NIPSNAP2: variants seen among roughly 807,000 people sequenced by gnomAD.
The protein encoded by NIPSNAP2 is nipsnap homolog 2.
A neutral mutation model predicts 48.4 loss-of-function variants in NIPSNAP2; 42 were observed. The ratio of observed to expected loss-of-function variants is 0.87; its 90% CI spans 0.68 to 1.12. The LOEUF (loss-of-function observed/expected upper bound fraction) is 1.12. Ranked by LOEUF, NIPSNAP2 falls within the 50% of genes most tolerant of loss-of-function variation. NIPSNAP2 has a pLI of 0.00. For missense variants in NIPSNAP2, 314 were observed against 347.3 expected (o/e 0.90, Z 0.76); for synonymous variants, 158 against 126.6 (o/e 1.25, Z -1.67).
At chr7:55,977,884 GA>G in intron 1 of NIPSNAP2, among the ~76,000 whole-genome samples, 1 of 152,046 alleles carries the variant, frequency 6.6e-6, no homozygotes, top group Non-Finnish European at 1.5e-5. Context: ...AAATTGCTTT[GA>G]AAAACACATA....
intron 1 of NIPSNAP2, among the ~76,000 whole-genome samples, chr7:55,966,469 T>A (rs750800981): frequency 6.6e-5 from 10 of 151,884 alleles, no homozygotes; most frequent in Non-Finnish European, 1.5e-5. Flanking sequence ...TAAATAAAAA[T>A]TTGTATAATG....
chr7:55,976,051 TGTGTGTGTG>T (rs1787101706), intron 1 of NIPSNAP2, among the ~76,000 whole-genome samples: 1 of 151,172 alleles, frequency 6.6e-6, no homozygotes. Context: ...TGTGTGTGTG[TGTGTGTGTG>T]TGTGTGTGTG....
intron 1 of NIPSNAP2, among the ~76,000 whole-genome samples, chr7:55,968,388 T>C (rs1039946499): frequency 1.0e-4 from 14 of 138,602 alleles, no homozygotes; most frequent in Admixed American, 7.5e-4. Context: ...TACTTTCTTT[T>C]TTTTTTTTTT....
At chr7:55,991,475 G>A (rs915702288) in intron 7 of NIPSNAP2, among the ~76,000 whole-genome samples, 7 of 151,516 alleles carry the variant, frequency 4.6e-5, no homozygotes, top group African/African-American at 7.3e-5. Flanking sequence ...GACCAGGCGC[G>A]GTGGCTCACA....
chr7:55,973,662 T>C (rs1474610199), intron 1 of NIPSNAP2, among the ~76,000 whole-genome samples: 1 of 150,232 alleles, frequency 6.7e-6, no homozygotes, highest in East Asian at 2.0e-4. Context: ...TTTTGTAGTG[T>C]TAGTAGAGAC....
At chr7:55,986,745 T>G (rs760500336) in intron 7 of NIPSNAP2, among the ~76,000 whole-genome samples, 11 of 152,080 alleles carry the variant, frequency 7.2e-5, no homozygotes, top group Non-Finnish European at 1.3e-4. Context: ...AATAAAATAT[T>G]TGCAAATCAT....
At chr7:55,969,712 G>A (rs1222231694) in intron 1 of NIPSNAP2, among the ~76,000 whole-genome samples, 2 of 152,124 alleles carry the variant, frequency 1.3e-5, no homozygotes, top group African/African-American at 4.8e-5. Flanking sequence ...TGCCGGGCGC[G>A]GTGGCTCACG....
At position 55,964,617 on chromosome 7, in the gene NIPSNAP2, C is replaced by G. The variant is rs1338160938; in HGVS notation, c.8C>G (p.Ala3Gly). 3 of 1,042,234 alleles carry G rather than the reference C, an allele frequency of 2.9e-6. No homozygotes were observed. In the East Asian group the frequency reaches 2.4e-4, roughly 82 times the overall value. 64.6% of individuals were successfully genotyped at this position (1,042,234 alleles called of 1,614,324 possible). Residue 3 changes from alanine (A) to glycine (G), a missense_variant, in exon 1 of 10, where the codon GCG (alanine) becomes GGG (glycine). Physicochemically the swap from Ala to Gly is moderately conservative, Grantham distance 60 (BLOSUM62 0). Coordinates refer to ENST00000322090, the MANE Select transcript of NIPSNAP2 (RefSeq NM_001483.3). ...GCCGAGGCGCCGAGCAAGATGGCGG[C>G]GCGAGTGCTGCGCGCCCGCGGAGCG... The part of the protein sequence containing the change: MA[A>G]RVLRARGAAW...
At chr7:55,968,416 C>A (rs1490574656) in intron 1 of NIPSNAP2, among the ~76,000 whole-genome samples, 1 of 149,286 alleles carries the variant, frequency 6.7e-6, no homozygotes, top group African/African-American at 2.5e-5. Flanking sequence ...GACAGAGTCT[C>A]GCTCTGTCAC....
intron 3 of NIPSNAP2, chr7:55,979,179 A>G (rs895563251): frequency 3.3e-5 from 5 of 152,262 alleles, no homozygotes; most frequent in Non-Finnish European, 5.9e-5. Context: ...AGCTTATGAA[A>G]TGTAACAATA....
rs1321257160 is a variant in NIPSNAP2, at chr7:55,983,878, G to T, written c.585+10G>T. On this transcript the variant is annotated intron_variant, in intron 6 of 9. Coordinates refer to ENST00000322090, the MANE Select transcript of NIPSNAP2 (RefSeq NM_001483.3). ...GTCTTACCAACTCCGAGTAAGTACA[G>T]AAATATAAGTTATTCCTTTTACTCC... 1.2e-6 allele frequency: 2 copies of T among 1,609,778 alleles called. No individual in the cohort carries two copies. Among genetic ancestry groups the T allele is most frequent in the Non-Finnish European group, 1.7e-6 (2 of 1,178,136 alleles).
intron 1 of NIPSNAP2, among the ~76,000 whole-genome samples, chr7:55,967,338 A>G (rs932644894): frequency 1.2e-4 from 19 of 152,166 alleles, no homozygotes; most frequent in Admixed American, 1.2e-3. Context: ...CAAATCTGTC[A>G]GTTCTGCCTC....
chr7:55,998,493 GTT>G (rs1164855630), intron 9 of NIPSNAP2, among the ~76,000 whole-genome samples: 1 of 63,188 alleles, frequency 1.6e-5, no homozygotes, highest in Admixed American at 2.2e-4. Context: ...GGTAGGATCT[GTT>G]TTTTTTTTTT....
At chr7:55,986,993 A>AC (rs1406041092) in intron 7 of NIPSNAP2, among the ~76,000 whole-genome samples, 4 of 148,480 alleles carry the variant, frequency 2.7e-5, no homozygotes, top group Non-Finnish European at 4.5e-5. Flanking sequence ...TAAAAAAAAA[A>AC]AAAAAAAAAA....
At chr7:55,981,217 T>C (rs1787209463) in intron 3 of NIPSNAP2, 1 of 225,508 alleles carries the variant, frequency 4.4e-6, no homozygotes, top group Non-Finnish European at 8.6e-6. Flanking sequence ...GGTTTTTCTT[T>C]ATCATCATTA....
chr7:55,990,246 T>TA (rs1562768007), intron 7 of NIPSNAP2, among the ~76,000 whole-genome samples: 2 of 150,516 alleles, frequency 1.3e-5, no homozygotes, highest in Non-Finnish European at 3.0e-5. Flanking sequence ...TTTTTTTTTT[T>TA]GAGACGGAGT....
At chr7:55,982,042 A>G (rs1317030820) in intron 4 of NIPSNAP2, 168 bp from the exon 5 acceptor site, 16 of 440,182 alleles carry the variant, frequency 3.6e-5, no homozygotes, top group Non-Finnish European at 4.2e-5. Flanking sequence ...CCTGACCTCA[A>G]GTGATCCGCC....
rs748119858 is a variant in NIPSNAP2 at position 55,997,300 on chromosome 7, C to T, written c.713-66C>T. 72 of 1,153,836 alleles carry T rather than the reference C, an allele frequency of 6.2e-5. 1 individual carries two copies. The highest frequency in any genetic ancestry group is 5.8e-4 in the Middle Eastern group (3 of 5,198). The allele number at this position is 1,153,836 out of a possible 1,614,324, so 71.5% of individuals were successfully genotyped here. ...ATGTCCAGGTGAAGCAAGACTTTAA[C>T]GGATGTATGGGTGGAATGCAGTGTA... On this transcript the variant is annotated intron_variant, in intron 8 of 9. Coordinates refer to ENST00000322090, the MANE Select transcript of NIPSNAP2 (RefSeq NM_001483.3).
In NIPSNAP2 at chr7:55,978,237, G is replaced by T. The variant is rs775360311; in HGVS notation, c.204G>T (p.Lys68Asn). 1 of 1,613,972 alleles carries T rather than the reference G, an allele frequency of 6.2e-7. No homozygotes were observed. The highest frequency in any genetic ancestry group is 1.3e-5 in the African/African-American group (1 of 74,914). Residue 68 changes from lysine (K) to asparagine (N), a missense_variant, in exon 2 of 10, where the codon AAG (lysine) becomes AAT (asparagine). This residue lies in a region of NIPSNAP2 where 198 missense variants were observed against 185.5 expected (regional missense o/e 1.07). Coordinates refer to ENST00000322090, the MANE Select transcript of NIPSNAP2 (RefSeq NM_001483.3). Reference sequence around the variant, plus strand: ...CCCACTCCAATCTCCTAGCCAAAAAGGAAACAAGCAATCTATACAAATTAC... The same window carrying T: ...CCCACTCCAATCTCCTAGCCAAAAATGAAACAAGCAATCTATACAAATTAC... ...KDAHSNLLAKKETSNLYKLQF... is the reference protein window; with the variant it reads ...KDAHSNLLAKNETSNLYKLQF...
Sources: gnomAD v4.1 joint callset for allele counts (sites outside exome capture counted in the v4.1 genomes callset) on GRCh38, gnomAD v4.1.1 for gene constraint, gnomAD v4.1.1 regional missense constraint, MANE v1.5 for transcripts, NCBI Gene and HGNC (gene_info 2026-07-23, HGNC 2026-07-21) for gene names.